Variants in RFX3 observed in about 807,000 individuals in gnomAD.
The protein encoded by RFX3 is transcription factor RFX3.
Under a neutral mutation model 98.6 loss-of-function variants are expected in RFX3, and 14 were observed. The observed-to-expected ratio is 0.14, with a 90% confidence interval of 0.09 to 0.22. The LOEUF (loss-of-function observed/expected upper bound fraction) is 0.22. Among genes scored for constraint, RFX3 ranks in the 10% least tolerant of loss-of-function variants. The probability of loss-of-function intolerance (pLI) is 1.00; values close to 1 mark genes in which losing one functional copy is unlikely to be tolerated. For synonymous variants in RFX3, 383 were observed against 328.4 expected, an observed-to-expected ratio of 1.17 and a Z score of -1.80; for missense variants, 639 against 926.9, an observed-to-expected ratio of 0.69 and a Z score of 4.03.
intron 1 of RFX3, among the ~76,000 whole-genome samples, chr9:3,438,883 T>C (rs1373697374): frequency 6.6e-6 from 1 of 151,866 alleles, no homozygotes; most frequent in East Asian, 1.9e-4. Flanking sequence ...TCAAAATATA[T>C]GAATCAAAAA....
At chr9:3,230,318 A>C (rs1393204290) in intron 15 of RFX3, among the ~76,000 whole-genome samples, 1 of 152,178 alleles carries the variant, frequency 6.6e-6, no homozygotes, top group Non-Finnish European at 1.5e-5. Flanking sequence ...AATTATTAGT[A>C]TGTTTATTTG....
chr9:3,374,963 CATG>C (rs1284958262), intron 2 of RFX3, among the ~76,000 whole-genome samples: 1 of 151,686 alleles, frequency 6.6e-6, no homozygotes, highest in African/African-American at 2.4e-5. Flanking sequence ...TTATCATTGT[CATG>C]ATACAAGGTT....
At chr9:3,465,069 C>T (rs745474803) in intron 1 of RFX3, among the ~76,000 whole-genome samples, 2 of 152,046 alleles carry the variant, frequency 1.3e-5, no homozygotes, top group Non-Finnish European at 2.9e-5. Context: ...TAAAGGGGTG[C>T]TTTATTAAAA....
chr9:3,295,112 A>G (rs1031105867), intron 5 of RFX3, among the ~76,000 whole-genome samples: 1 of 152,102 alleles, frequency 6.6e-6, no homozygotes, highest in Non-Finnish European at 1.5e-5. Flanking sequence ...ACACATATTC[A>G]TTTAGTATAA....
At chr9:3,483,625 C>T (rs530508408) in intron 1 of RFX3, among the ~76,000 whole-genome samples, 1 of 152,076 alleles carries the variant, frequency 6.6e-6, no homozygotes, top group African/African-American at 2.4e-5. Context: ...TATAAAAGCA[C>T]AATAATTCAC....
At chr9:3,251,465 C>A (rs1426093533) in intron 14 of RFX3, among the ~76,000 whole-genome samples, 2 of 151,966 alleles carry the variant, frequency 1.3e-5, no homozygotes, top group Non-Finnish European at 2.9e-5. Flanking sequence ...TTACGCTCCT[C>A]ACCTCCCATA....
chr9:3,434,070 T>C (rs1415816078), intron 1 of RFX3, among the ~76,000 whole-genome samples: 1 of 152,160 alleles, frequency 6.6e-6, no homozygotes, highest in Non-Finnish European at 1.5e-5. Context: ...TCTGTACATC[T>C]GGGTGGGGCC....
At chr9:3,271,831 G>A (rs1016492993) in intron 9 of RFX3, among the ~76,000 whole-genome samples, 2 of 152,154 alleles carry the variant, frequency 1.3e-5, no homozygotes, top group African/African-American at 2.4e-5. Flanking sequence ...AGAGGCTGGG[G>A]CAGAAACCAT....
chr9:3,353,063 T>C (rs1272494670), intron 2 of RFX3, among the ~76,000 whole-genome samples: 3 of 151,892 alleles, frequency 2.0e-5, no homozygotes, highest in Non-Finnish European at 2.9e-5. Context: ...TGGATGAAAC[T>C]GGAAATCATC....
chr9:3,288,794 G>C lies in RFX3; in HGVS notation c.732-544C>G, dbSNP rs571517804. 2.0e-5 allele frequency among the ~76,000 whole-genome samples: 3 copies of C among 152,156 alleles called. No individual in the cohort carries two copies. In the South Asian group the frequency reaches 6.2e-4, roughly 31 times the overall value. On this transcript the variant is annotated intron_variant, in intron 6 of 16. Transcript: ENST00000617270. ...GTCTGTTACAAAATGTTGTGGTAAAGACTTACTTAATATTTTGAAACCTAA... is the reference window on the plus strand; with the variant it reads ...GTCTGTTACAAAATGTTGTGGTAAACACTTACTTAATATTTTGAAACCTAA...
intron 4 of RFX3, among the ~76,000 whole-genome samples, chr9:3,326,005 C>T (rs558507017): frequency 1.2e-3 from 184 of 152,166 alleles, no homozygotes; most frequent in Middle Eastern, 0.01. Flanking sequence ...ATAAACAGAT[C>T]CCTAACATAT....
At chr9:3,427,584 C>CA (rs1379171471) in intron 1 of RFX3, among the ~76,000 whole-genome samples, 1 of 151,072 alleles carries the variant, frequency 6.6e-6, no homozygotes. Context: ...TCTTTGTTCT[C>CA]AGGCAGTATA....
intron 4 of RFX3, among the ~76,000 whole-genome samples, chr9:3,302,767 C>T (rs2130124958): frequency 6.6e-6 from 1 of 151,880 alleles, no homozygotes; most frequent in East Asian, 1.9e-4. Context: ...TTAATTTTCT[C>T]CCAAGTTTCC....
At chr9:3,431,168 A>G (rs1844623808) in intron 1 of RFX3, among the ~76,000 whole-genome samples, 1 of 152,176 alleles carries the variant, frequency 6.6e-6, no homozygotes, top group Non-Finnish European at 1.5e-5. Flanking sequence ...TCTCTGAGTG[A>G]GCAGTTCATC....
chr9:3,296,632 G>A (rs1828026543), intron 5 of RFX3, among the ~76,000 whole-genome samples: 1 of 152,000 alleles, frequency 6.6e-6, no homozygotes. Context: ...CTATCACTTT[G>A]ACACTAGCAA....
rs544387045 is a variant in RFX3 at position 3,317,006 on chromosome 9, T to C, written c.474+13253A>G. 3.3e-5 allele frequency among the ~76,000 whole-genome samples: 5 copies of C among 152,230 alleles called. No homozygotes were observed. The East Asian group carries it at 9.6e-4, about 29-fold the overall frequency. On this transcript the variant is annotated intron_variant, in intron 4 of 16. Coordinates refer to ENST00000617270, the MANE Select transcript of RFX3 (RefSeq NM_001282116.2). Reference sequence around the variant, plus strand: ...CTACTACTGACTTTCTTCACAGAATTGGAAAAAACTACTTTAAAGTTCATA... The same window carrying C: ...CTACTACTGACTTTCTTCACAGAATCGGAAAAAACTACTTTAAAGTTCATA...
intron 7 of RFX3, among the ~76,000 whole-genome samples, chr9:3,284,080 T>C (rs1214531075): frequency 6.6e-6 from 1 of 151,824 alleles, no homozygotes; most frequent in East Asian, 1.9e-4. Flanking sequence ...GATTGACAGA[T>C]TGTGTATGCA....
intron 1 of RFX3, among the ~76,000 whole-genome samples, chr9:3,429,258 G>T (rs1443564703): frequency 6.6e-6 from 1 of 150,914 alleles, no homozygotes; most frequent in African/African-American, 2.4e-5. Context: ...TCCTGACCTC[G>T]TGATCCGCCC....
At chr9:3,396,836 A>C (rs768572497) in intron 1 of RFX3, among the ~76,000 whole-genome samples, 2 of 152,088 alleles carry the variant, frequency 1.3e-5, no homozygotes, top group East Asian at 3.9e-4. Flanking sequence ...GCATAAATAG[A>C]GTAAATCATT....
Sources: allele counts gnomAD v4.1 joint callset (sites outside exome capture counted in the v4.1 genomes callset), GRCh38; gene constraint gnomAD v4.1.1; transcripts MANE v1.5; gene names NCBI Gene and HGNC (gene_info 2026-07-23, HGNC 2026-07-21).